Variants in PKNOX2 observed in about 807,000 individuals in gnomAD.
PKNOX2 encodes the protein PBX/knotted 1 homeobox 2, also known as homeobox protein PKNOX2.
A neutral mutation model predicts 53.1 loss-of-function variants in PKNOX2; 14 were observed. The observed-to-expected ratio is 0.26, with a 90% CI of 0.17 to 0.41. PKNOX2 has a LOEUF of 0.41. Ranked by LOEUF, PKNOX2 falls within the 10% of genes least tolerant of loss-of-function variation. The pLI is 1.00. For missense variants in PKNOX2, 496 were observed against 602.8 expected, an observed-to-expected ratio of 0.82 and a Z score of 1.85; for synonymous variants, 257 against 242.8, an observed-to-expected ratio of 1.06 and a Z score of -0.54.
intron 6 of PKNOX2, among the ~76,000 whole-genome samples, chr11:125,390,519 A>G (rs950108207): frequency 6.6e-6 from 1 of 152,272 alleles, no homozygotes; most frequent in African/African-American, 2.4e-5. Flanking sequence ...ATTACAGCTT[A>G]GAGATTATGT....
intron 2 of PKNOX2, among the ~76,000 whole-genome samples, chr11:125,319,469 G>C (rs756150071): frequency 6.6e-6 from 1 of 152,144 alleles, no homozygotes; most frequent in African/African-American, 2.4e-5. Flanking sequence ...TGTAAAAAAT[G>C]CAATATCTGC....
intron 5 of PKNOX2, among the ~76,000 whole-genome samples, chr11:125,371,254 G>A (rs1382176425): frequency 2.0e-5 from 3 of 152,140 alleles, no homozygotes; most frequent in African/African-American, 7.2e-5. Context: ...GCGGGTAATT[G>A]TGTTTGTGGC....
chr11:125,303,126 T>C (rs1948188399), intron 2 of PKNOX2, among the ~76,000 whole-genome samples: 1 of 152,210 alleles, frequency 6.6e-6, no homozygotes, highest in African/African-American at 2.4e-5. Context: ...CAGACCACTG[T>C]GTCTCCGTAC....
rs564296037 is a variant in PKNOX2, at chr11:125,271,978, T to C, written c.-130+36863T>C. 2.6e-5 allele frequency among the ~76,000 whole-genome samples: 4 copies of C among 152,332 alleles called. No individual in the cohort carries two copies. The South Asian group carries it at 8.3e-4, about 32-fold the overall frequency. ...CTTTCCTAATGCCCTGTGCCTGCAG[T>C]GGCAGGGCCATAGACCTCTCAACGC... is the stretch of plus-strand genomic sequence containing the variant. On this transcript the variant is annotated intron_variant, in intron 2 of 12. Transcript: ENST00000298282.
At chr11:125,271,493 A>G (rs1016360527) in intron 2 of PKNOX2, among the ~76,000 whole-genome samples, 1 of 152,218 alleles carries the variant, frequency 6.6e-6, no homozygotes, top group African/African-American at 2.4e-5. Flanking sequence ...GGCAGAGTGC[A>G]TATTTGGGTC....
intron 2 of PKNOX2, among the ~76,000 whole-genome samples, chr11:125,317,696 G>T (rs566720279): frequency 6.6e-6 from 1 of 152,032 alleles, no homozygotes; most frequent in Non-Finnish European, 1.5e-5. Flanking sequence ...AGGCTTTGTT[G>T]TTCCATTTAT....
intron 2 of PKNOX2, among the ~76,000 whole-genome samples, chr11:125,242,694 G>A (rs775413683): frequency 3.9e-5 from 6 of 152,180 alleles, no homozygotes; most frequent in Non-Finnish European, 7.3e-5. Context: ...GTGAGTGTGC[G>A]AGCGAGGCAG....
intron 2 of PKNOX2, among the ~76,000 whole-genome samples, chr11:125,323,271 C>A (rs1949632630): frequency 6.6e-6 from 1 of 152,176 alleles, no homozygotes; most frequent in Admixed American, 6.5e-5. Flanking sequence ...TTCAGATGTC[C>A]TTTCAAATAC....
chr11:125,399,388 A>G (rs1221540322), intron 7 of PKNOX2, among the ~76,000 whole-genome samples: 3 of 152,260 alleles, frequency 2.0e-5, no homozygotes, highest in Non-Finnish European at 4.4e-5. Flanking sequence ...TAATTGCTCA[A>G]CGAGCATCTC....
Position 125,433,333 on chromosome 11 carries a change from C to T in PKNOX2, c.*1941C>T, listed in dbSNP as rs891619720. 6.5e-6 allele frequency: 1 copy of T among 152,696 alleles called. No individual in the cohort carries two copies. The highest frequency in any genetic ancestry group is 2.4e-5 in the African/African-American group (1 of 41,448). 9.5% of individuals were successfully genotyped at this position (152,696 alleles called of 1,614,324 possible). A position where few individuals can be genotyped will look rare whatever the true frequency, so the allele number is the denominator to read the frequency against. ...TGCAACCTCCTTCTGATGTATCCAC[C>T]AAACCAGTACTGAATGTGGCCGAGA... is the stretch of plus-strand genomic sequence containing the variant. On this transcript the variant is annotated 3_prime_UTR_variant, in exon 13 of 13. Coordinates refer to ENST00000298282, the MANE Select transcript of PKNOX2 (RefSeq NM_001382323.2).
chr11:125,361,169 C>G (rs183888995), intron 4 of PKNOX2, among the ~76,000 whole-genome samples: 53 of 152,364 alleles, frequency 3.5e-4, no homozygotes, highest in African/African-American at 1.2e-3. Context: ...CAGATACTCT[C>G]TCTACCAGAC....
At chr11:125,382,430 C>T (rs1410229855) in intron 5 of PKNOX2, among the ~76,000 whole-genome samples, 1 of 152,230 alleles carries the variant, frequency 6.6e-6, no homozygotes, top group Non-Finnish European at 1.5e-5. Flanking sequence ...GCGGGGGCCG[C>T]ACCCCCACCA....
intron 3 of PKNOX2, among the ~76,000 whole-genome samples, chr11:125,343,167 A>C: frequency 6.6e-6 from 1 of 152,078 alleles, no homozygotes; most frequent in East Asian, 1.9e-4. Context: ...GAGGTACCCT[A>C]AGTTGAACAT....
At position 125,178,992 on chromosome 11, in the gene PKNOX2, G is replaced by A. The variant is rs543604507; in HGVS notation, c.-201+14216G>A. Among the ~76,000 whole-genome samples, 11 of 152,194 alleles carry A rather than the reference G, an allele frequency of 7.2e-5. No individual in the cohort carries two copies. In the East Asian group the frequency reaches 9.7e-4, roughly 13 times the overall value. ...CGGTGTGGTGTCGGGCTCGGATGGC[G>A]CAGGTCCTTCCCCTTCAAGCCTTGC... On this transcript the variant is annotated intron_variant, in intron 1 of 12. Transcript: ENST00000298282.
chr11:125,298,194 C>T (rs573835880), intron 2 of PKNOX2, among the ~76,000 whole-genome samples: 1 of 152,178 alleles, frequency 6.6e-6, no homozygotes, highest in Admixed American at 6.5e-5. Flanking sequence ...CTGTTGGTTA[C>T]CCCTGGGGCT....
At chr11:125,419,395 A>G (rs1297338382) in intron 10 of PKNOX2, among the ~76,000 whole-genome samples, 3 of 151,340 alleles carry the variant, frequency 2.0e-5, no homozygotes, top group Non-Finnish European at 4.4e-5. Flanking sequence ...ATGCTGAGAG[A>G]AACCACAAAA....
chr11:125,362,664 C>A (rs569605951), intron 4 of PKNOX2, among the ~76,000 whole-genome samples: 5 of 152,270 alleles, frequency 3.3e-5, no homozygotes, highest in South Asian at 2.1e-4. Context: ...AGCCACTGCA[C>A]CCAGCCCAGA....
chr11:125,363,032 T>C (rs1952006330), intron 4 of PKNOX2, among the ~76,000 whole-genome samples: 1 of 152,336 alleles, frequency 6.6e-6, no homozygotes, highest in African/African-American at 2.4e-5. Flanking sequence ...GCAGAACTGG[T>C]TCTGGCTAGA....
chr11:125,429,108 A>C lies in PKNOX2; in HGVS notation c.1013+20A>C, dbSNP rs752579247. 1 of 1,593,620 alleles carries C rather than the reference A, an allele frequency of 6.3e-7. No individual in the cohort carries two copies. Among genetic ancestry groups the C allele is most frequent in the Non-Finnish European group, 8.6e-7 (1 of 1,161,324 alleles). ...CAACTGGTGAGTTTGCATCACCTGC[A>C]TGCAGGCTCCCAGATCCAGGGGCCA... On this transcript the variant is annotated intron_variant, in intron 11 of 12. Transcript: ENST00000298282.
Sources: allele counts gnomAD v4.1 joint callset (sites outside exome capture counted in the v4.1 genomes callset), GRCh38; gene constraint gnomAD v4.1.1; transcripts MANE v1.5; gene names NCBI Gene and HGNC (gene_info 2026-07-23, HGNC 2026-07-21).